The following SGCD variants were observed in gnomAD, a reference collection of about 807,000 sequenced individuals.
SGCD encodes the protein sarcoglycan delta.
A neutral mutation model predicts 36.6 loss-of-function variants in SGCD; 18 were observed. The observed-to-expected ratio is 0.49, with a 90% CI of 0.34 to 0.73. The LOEUF (loss-of-function observed/expected upper bound fraction) is 0.73, where lower values mean the gene tolerates loss of function less well. Among genes scored for constraint, SGCD ranks in the 30% least tolerant of loss-of-function variants. The pLI is 0.01. For synonymous variants in SGCD, 133 were observed against 130.6 expected, an observed-to-expected ratio of 1.02 and a Z score of -0.12; for missense variants, 387 against 346.7, an observed-to-expected ratio of 1.12 and a Z score of -0.92.
chr5:155,753,334 T>TCAAAAAAAAAAAAAAAAAAAAAA, the SGCD span, among the ~76,000 whole-genome samples: 14 of 135,830 alleles, frequency 1.0e-4, 1 homozygote, highest in African/African-American at 5.0e-4. Flanking sequence ...AGACTTTGTC[T>TCAAAAAAAAAAAAAAAAAAAAAA]AAAAAAAAAA....
At chr5:156,340,675 A>G (rs1179296868) in intron 2 of SGCD, among the ~76,000 whole-genome samples, 1 of 152,154 alleles carries the variant, frequency 6.6e-6, no homozygotes, top group Non-Finnish European at 1.5e-5. Context: ...TTGTATGACT[A>G]TTGTCATGAT....
At chr5:156,156,019 G>C (rs1762953459) in intron 3 of SGCD, among the ~76,000 whole-genome samples, 1 of 151,632 alleles carries the variant, frequency 6.6e-6, no homozygotes, top group South Asian at 2.1e-4. Context: ...CACCTTATGG[G>C]CCGAATGTGC....
At chr5:156,567,333 G>GAGGGAGGGAGTGAGGC (rs1759525333) in intron 4 of SGCD, among the ~76,000 whole-genome samples, 1 of 149,756 alleles carries the variant, frequency 6.7e-6, no homozygotes, top group Non-Finnish European at 1.5e-5. Flanking sequence ...GGGAAGGAGA[G>GAGGGAGGGAGTGAGGC]AGGGAGGGAG....
At chr5:156,624,547 C>T (rs1762373522) in intron 6 of SGCD, among the ~76,000 whole-genome samples, 1 of 152,120 alleles carries the variant, frequency 6.6e-6, no homozygotes, top group Admixed American at 6.5e-5. Flanking sequence ...CGCCACTGCA[C>T]TCCAGCCTGG....
At position 156,054,362 on chromosome 5, in the gene SGCD, G is replaced by C. The variant is rs1054319786; in HGVS notation, c.-281-63516G>C. On this transcript the variant is annotated intron_variant, in intron 1 of 9. Transcript: ENST00000517913. ...GTGCAGTGGCGCGATCTCGGCTCAC[G>C]GCAAGCTCCGCCTCCCGGGTTCACG... Among the ~76,000 whole-genome samples the C allele has an allele frequency of 3.6e-5, 5 of 138,976 alleles. 1 individual carries two copies. Among genetic ancestry groups the C allele is most frequent in the Non-Finnish European group, 8.0e-5 (5 of 62,430 alleles). 91.2% of individuals were successfully genotyped at this position (138,976 alleles called of 152,430 possible). A position where few individuals can be genotyped will look rare whatever the true frequency, so the allele number is the denominator to read the frequency against.
chr5:155,897,772 T>C (rs1035456014), intron 1 of SGCD, among the ~76,000 whole-genome samples: 6 of 152,146 alleles, frequency 3.9e-5, no homozygotes, highest in African/African-American at 1.2e-4. Context: ...ATTACTATAT[T>C]ATAGGAAATT....
chr5:155,892,694 A>G (rs1425945629), intron 1 of SGCD, among the ~76,000 whole-genome samples: 1 of 152,208 alleles, frequency 6.6e-6, no homozygotes, highest in African/African-American at 2.4e-5. Flanking sequence ...CTGAAAAACA[A>G]AATAGAATGT....
At chr5:156,730,483 C>T (rs1756003673) in intron 7 of SGCD, among the ~76,000 whole-genome samples, 1 of 152,050 alleles carries the variant, frequency 6.6e-6, no homozygotes, top group Non-Finnish European at 1.5e-5. Flanking sequence ...ATTTGGTTTT[C>T]TGTTTTGTGT....
intron 1 of SGCD, among the ~76,000 whole-genome samples, chr5:155,882,162 G>A (rs1256430852): frequency 6.6e-6 from 1 of 151,924 alleles, no homozygotes; most frequent in Non-Finnish European, 1.5e-5. Flanking sequence ...TGGCTGGAGT[G>A]CACTGTCATG....
chr5:156,330,500 G>A (rs184198146), intron 2 of SGCD, among the ~76,000 whole-genome samples: 155 of 152,186 alleles, frequency 1.0e-3, no homozygotes, highest in Non-Finnish European at 1.8e-3. Flanking sequence ...GTAATCCTGA[G>A]GCTCTTCCTT....
intron 1 of SGCD, among the ~76,000 whole-genome samples, chr5:155,926,113 A>G (rs1756993280): frequency 1.3e-5 from 2 of 152,114 alleles, no homozygotes; most frequent in Non-Finnish European, 2.9e-5. Flanking sequence ...TGTGGCTTAC[A>G]CTAATTCAGT....
At chr5:155,776,715 T>C in the SGCD span, among the ~76,000 whole-genome samples, 3 of 142,158 alleles carry the variant, frequency 2.1e-5, no homozygotes, top group Non-Finnish European at 3.0e-5. Flanking sequence ...TGGAAGAGGA[T>C]AGTTTTCTGA....
chr5:156,607,550 G>A (rs1761531156), intron 6 of SGCD, among the ~76,000 whole-genome samples: 1 of 152,238 alleles, frequency 6.6e-6, no homozygotes. Context: ...TCAGGATGAT[G>A]CTGGACTCAT....
chr5:155,821,256 A>T, the SGCD span, among the ~76,000 whole-genome samples: 1 of 152,292 alleles, frequency 6.6e-6, no homozygotes, highest in Non-Finnish European at 1.5e-5. Context: ...TTCTATTCTA[A>T]GTAAATAGTC....
the SGCD span, among the ~76,000 whole-genome samples, chr5:155,817,842 C>T: frequency 5.9e-5 from 9 of 152,152 alleles, no homozygotes; most frequent in Non-Finnish European, 1.0e-4. Flanking sequence ...GCTGCTGAAA[C>T]AGCTCTGCAG....
chr5:156,470,151 C>A (rs976981746), intron 3 of SGCD, among the ~76,000 whole-genome samples: 2 of 152,200 alleles, frequency 1.3e-5, no homozygotes, highest in Admixed American at 6.5e-5. Flanking sequence ...AAGCTTTCTT[C>A]AAATTCATTT....
chr5:156,442,163 C>T (rs1446061226), intron 3 of SGCD, among the ~76,000 whole-genome samples: 14 of 152,140 alleles, frequency 9.2e-5, no homozygotes, highest in South Asian at 4.1e-4. Context: ...GAGCAGTGAT[C>T]GAGTGTAATC....
At chr5:156,172,116 C>T (rs1763359397) in intron 3 of SGCD, among the ~76,000 whole-genome samples, 1 of 152,076 alleles carries the variant, frequency 6.6e-6, no homozygotes, top group Admixed American at 6.6e-5. Flanking sequence ...AATCCTGTCT[C>T]TACTAAAAAT....
the SGCD span, among the ~76,000 whole-genome samples, chr5:155,769,393 GA>G: frequency 7.9e-6 from 1 of 125,980 alleles, no homozygotes; most frequent in Non-Finnish European, 1.7e-5. Flanking sequence ...AAAGAAAAAA[GA>G]AAAAACCAAA....
Sources: allele counts gnomAD v4.1 joint callset (sites outside exome capture counted in the v4.1 genomes callset), GRCh38; gene constraint gnomAD v4.1.1; transcripts MANE v1.5; gene names NCBI Gene and HGNC (gene_info 2026-07-23, HGNC 2026-07-21).